The following WWOX variants were observed in gnomAD, a reference collection of about 807,000 sequenced individuals.
WWOX encodes the protein WW domain-containing oxidoreductase.
WWOX carries 69 observed loss-of-function variants against 46.2 expected under a neutral mutation model. The ratio of observed to expected loss-of-function variants is 1.49; its 90% CI spans 1.23 to 1.82. The LOEUF (loss-of-function observed/expected upper bound fraction) is 1.82. Among genes scored for constraint, WWOX ranks in the 40% most tolerant of loss-of-function variants. WWOX has a pLI of 0.00. For missense variants in WWOX, 919 were observed against 542.6 expected (o/e 1.69, Z -6.89); for synonymous variants, 359 against 202.6 (o/e 1.77, Z -6.56).
chr16:78,188,399 A>C (rs1268442486), intron 5 of WWOX, among the ~76,000 whole-genome samples: 2 of 151,892 alleles, frequency 1.3e-5, no homozygotes, highest in Non-Finnish European at 2.9e-5. Flanking sequence ...GAGGCAGGAC[A>C]ATGGCGTGAA....
chr16:79,162,699 GC>G (rs1458665368), intron 8 of WWOX, among the ~76,000 whole-genome samples: 9 of 152,226 alleles, frequency 5.9e-5, no homozygotes, highest in African/African-American at 2.2e-4. Context: ...TGTGTTCACC[GC>G]CTTCCTGAGT....
chr16:79,074,822 C>T (rs530867166), intron 8 of WWOX, among the ~76,000 whole-genome samples: 18 of 151,830 alleles, frequency 1.2e-4, no homozygotes, highest in African/African-American at 4.1e-4. Context: ...ATTCTGAACT[C>T]AGAAAATGGA....
At chr16:78,559,123 G>T (rs534783939) in intron 8 of WWOX, among the ~76,000 whole-genome samples, 8 of 152,210 alleles carry the variant, frequency 5.3e-5, no homozygotes, top group Non-Finnish European at 8.8e-5. Context: ...GGGTGAGCTT[G>T]GAGATAGAGC....
intron 8 of WWOX, among the ~76,000 whole-genome samples, chr16:78,592,835 C>G (rs1346435724): frequency 6.6e-6 from 1 of 152,202 alleles, no homozygotes; most frequent in African/African-American, 2.4e-5. Flanking sequence ...TGTGACATTG[C>G]TTCTATCTTC....
At chr16:78,188,208 G>C (rs1243323589) in intron 5 of WWOX, among the ~76,000 whole-genome samples, 1 of 152,016 alleles carries the variant, frequency 6.6e-6, no homozygotes, top group Non-Finnish European at 1.5e-5. Flanking sequence ...TGCTTGCCTT[G>C]GCCGGGCGCG....
In WWOX at chr16:78,336,833, C is replaced by T. The variant is rs1471317335; in HGVS notation, c.517-50027C>T. 3.3e-5 allele frequency among the ~76,000 whole-genome samples: 5 copies of T among 152,224 alleles called. No individual in the cohort carries two copies. In the East Asian group the frequency reaches 7.7e-4, roughly 24 times the overall value. ...TCGAGACGAAGTTTCGCTCTCATTTCCCAGGATGGAGTGCAGTGGTGCAAT... is the reference window on the plus strand; with the variant it reads ...TCGAGACGAAGTTTCGCTCTCATTTTCCAGGATGGAGTGCAGTGGTGCAAT... On this transcript the variant is annotated intron_variant, in intron 5 of 8. Coordinates refer to ENST00000566780, the MANE Select transcript of WWOX (RefSeq NM_016373.4).
intron 8 of WWOX, among the ~76,000 whole-genome samples, chr16:78,771,788 T>C (rs2050071078): frequency 6.7e-6 from 1 of 150,022 alleles, no homozygotes; most frequent in Admixed American, 6.6e-5. Context: ...AATAAATAAA[T>C]AAATAAATAA....
intron 8 of WWOX, among the ~76,000 whole-genome samples, chr16:79,176,427 C>T (rs1298753123): frequency 6.6e-6 from 1 of 152,184 alleles, no homozygotes. Flanking sequence ...ATCCTCTAGC[C>T]CTTTGCTCAG....
intron 8 of WWOX, among the ~76,000 whole-genome samples, chr16:78,636,834 A>T (rs1013047094): frequency 6.6e-6 from 1 of 152,154 alleles, no homozygotes; most frequent in African/African-American, 2.4e-5. Flanking sequence ...GCTCCTTCAG[A>T]TACGCTCTTC....
intron 8 of WWOX, among the ~76,000 whole-genome samples, chr16:78,850,629 C>T (rs2052419260): frequency 6.6e-6 from 1 of 152,168 alleles, no homozygotes; most frequent in East Asian, 1.9e-4. Flanking sequence ...CCATCACCAT[C>T]CTTGTTCACC....
chr16:78,577,777 C>T (rs930454897), intron 8 of WWOX, among the ~76,000 whole-genome samples: 2 of 152,138 alleles, frequency 1.3e-5, no homozygotes, highest in African/African-American at 2.4e-5. Flanking sequence ...ACTTTGCGAA[C>T]GATCTGTTGC....
At chr16:78,346,659 G>A (rs1326361769) in intron 5 of WWOX, among the ~76,000 whole-genome samples, 1 of 119,106 alleles carries the variant, frequency 8.4e-6, no homozygotes, top group African/African-American at 2.8e-5. Context: ...GATGAGTAAT[G>A]ATTTTGAACA....
intron 5 of WWOX, among the ~76,000 whole-genome samples, chr16:78,239,769 A>G (rs1038226183): frequency 2.0e-5 from 3 of 152,092 alleles, no homozygotes; most frequent in East Asian, 3.9e-4. Flanking sequence ...TCCTGACCTC[A>G]GGTGATCCGC....
chr16:78,308,797 C>T (rs189352573), intron 5 of WWOX, among the ~76,000 whole-genome samples: 21 of 152,272 alleles, frequency 1.4e-4, no homozygotes, highest in Non-Finnish European at 2.6e-4. Context: ...TATCTTAACC[C>T]AGATAGTCCT....
chr16:79,178,583 C>G (rs2050848832), intron 8 of WWOX, among the ~76,000 whole-genome samples: 1 of 152,146 alleles, frequency 6.6e-6, no homozygotes. Context: ...TCTCAAAGTG[C>G]TAGAATTACA....
intron 8 of WWOX, among the ~76,000 whole-genome samples, chr16:78,720,846 T>A (rs1475280913): frequency 6.6e-6 from 1 of 152,032 alleles, no homozygotes; most frequent in Non-Finnish European, 1.5e-5. Context: ...AGAGAAGAAA[T>A]TAGACAGGAG....
intron 5 of WWOX, among the ~76,000 whole-genome samples, chr16:78,173,333 G>C (rs1283700784): frequency 2.0e-5 from 3 of 152,116 alleles, no homozygotes; most frequent in African/African-American, 7.2e-5. Context: ...CTGTCACCCA[G>C]GCTGGTGTTC....
chr16:78,310,952 C>G (rs1371212371), intron 5 of WWOX, among the ~76,000 whole-genome samples: 1 of 152,106 alleles, frequency 6.6e-6, no homozygotes, highest in Non-Finnish European at 1.5e-5. Context: ...TTGGGAAGCC[C>G]CAGAGAAATA....
chr16:78,202,422 T>A (rs1331270231), intron 5 of WWOX, among the ~76,000 whole-genome samples: 2 of 152,202 alleles, frequency 1.3e-5, no homozygotes, highest in Non-Finnish European at 2.9e-5. Context: ...CTTTATCCAT[T>A]TTAAGCCTTA....
Sources: gnomAD v4.1 joint callset for allele counts (sites outside exome capture counted in the v4.1 genomes callset) on GRCh38, gnomAD v4.1.1 for gene constraint, MANE v1.5 for transcripts, NCBI Gene and HGNC (gene_info 2026-07-23, HGNC 2026-07-21) for gene names.